SLC9C1: variants seen among roughly 807,000 people sequenced by gnomAD.
SLC9C1 encodes sodium/hydrogen exchanger 10.
In SLC9C1, 97 loss-of-function variants were observed where a neutral mutation model predicts 140.9. The ratio of observed to expected loss-of-function variants is 0.69; its 90% confidence interval spans 0.58 to 0.82. SLC9C1 has a LOEUF of 0.82. Among genes scored for constraint, SLC9C1 ranks in the 40% least tolerant of loss-of-function variants. The pLI is 0.00. For synonymous variants in SLC9C1, 440 were observed against 442.6 expected (o/e 0.99, Z 0.07); for missense variants, 1,340 against 1,389.3 (o/e 0.96, Z 0.56).
At chr3:112,233,026 TACACAC>T (rs60551268) in intron 12 of SLC9C1, among the ~76,000 whole-genome samples, 1 of 134,418 alleles carries the variant, frequency 7.4e-6, no homozygotes, top group South Asian at 2.4e-4. Context: ...TTCACTTTCA[TACACAC>T]ACACACACAC....
chr3:112,247,186 C>G (rs1384546835), intron 10 of SLC9C1, among the ~76,000 whole-genome samples: 1 of 152,030 alleles, frequency 6.6e-6, no homozygotes, highest in African/African-American at 2.4e-5. Flanking sequence ...GCTTTAGAGG[C>G]CCAGGGAGCA....
At chr3:112,161,020 GTGA>G (rs2075281693) in intron 26 of SLC9C1, among the ~76,000 whole-genome samples, 2 of 152,342 alleles carry the variant, frequency 1.3e-5, no homozygotes, top group South Asian at 4.1e-4. Context: ...CTGATGACCA[GTGA>G]TGATGAGCAT....
chr3:112,293,027 G>A (rs1233616351), intron 1 of SLC9C1, among the ~76,000 whole-genome samples: 1 of 151,164 alleles, frequency 6.6e-6, no homozygotes, highest in African/African-American at 2.4e-5. Flanking sequence ...CCAGCACTTT[G>A]GGAGGCCTAG....
At chr3:112,257,305 A>T (rs1477928136) in intron 10 of SLC9C1, among the ~76,000 whole-genome samples, 1 of 152,204 alleles carries the variant, frequency 6.6e-6, no homozygotes, top group African/African-American at 2.4e-5. Context: ...AATGTCCAAC[A>T]GGGCTACAGT....
At chr3:112,219,641 C>T (rs1402635777) in intron 14 of SLC9C1, among the ~76,000 whole-genome samples, 1 of 152,118 alleles carries the variant, frequency 6.6e-6, no homozygotes, top group Non-Finnish European at 1.5e-5. Flanking sequence ...TGCAGTGGCA[C>T]AATCTCAGCT....
intron 12 of SLC9C1, 28 bp from the exon 13 acceptor site, chr3:112,231,514 A>C (rs527868162): frequency 3.3e-5 from 51 of 1,567,190 alleles, no homozygotes; most frequent in Admixed American, 2.2e-4. Context: ...AAAAGAACAA[A>C]AAATACATGA....
intron 15 of SLC9C1, 55 bp downstream of exon 15, chr3:112,217,387 C>T: frequency 7.4e-6 from 11 of 1,488,274 alleles, no homozygotes; most frequent in Non-Finnish European, 9.8e-6. Context: ...AAAGAAAAAA[C>T]AGGGAATTTC....
intron 10 of SLC9C1, among the ~76,000 whole-genome samples, chr3:112,258,813 G>T (rs1047274573): frequency 1.3e-5 from 2 of 152,130 alleles, no homozygotes; most frequent in African/African-American, 4.8e-5. Context: ...ATTCTGCAGA[G>T]TGTACAGGAA....
chr3:112,225,364 A>G (rs1364448129), intron 13 of SLC9C1, among the ~76,000 whole-genome samples: 1 of 152,196 alleles, frequency 6.6e-6, no homozygotes. Context: ...GACTCACAAG[A>G]AATGCTTAAA....
At chr3:112,206,005 AT>A (rs1425968676) in intron 16 of SLC9C1, among the ~76,000 whole-genome samples, 1 of 109,008 alleles carries the variant, frequency 9.2e-6, no homozygotes, top group Non-Finnish European at 2.0e-5. Context: ...GACAAATGGG[AT>A]CTAATTAAAC....
chr3:112,255,137 G>A (rs1011365237), intron 10 of SLC9C1, among the ~76,000 whole-genome samples: 1 of 152,092 alleles, frequency 6.6e-6, no homozygotes, highest in African/African-American at 2.4e-5. Flanking sequence ...AGAATAGTGG[G>A]AGACTTTCAC....
At chr3:112,233,050 C>T (rs58879610) in intron 12 of SLC9C1, among the ~76,000 whole-genome samples, 11,699 of 86,396 alleles carry the variant, frequency 0.14, 624 homozygotes, top group East Asian at 0.42. Flanking sequence ...CACACACACA[C>T]ATATATATAT....
At chr3:112,244,186 T>C (rs532799992) in intron 10 of SLC9C1, 110 bp from the exon 11 acceptor site, 4 of 627,374 alleles carry the variant, frequency 6.4e-6, no homozygotes, top group Non-Finnish European at 7.6e-6. Context: ...AGCTAGGTTG[T>C]ACTGTGTTAA....
At chr3:112,211,676 C>A (rs1363512300) in intron 15 of SLC9C1, among the ~76,000 whole-genome samples, 1 of 152,244 alleles carries the variant, frequency 6.6e-6, no homozygotes, top group Non-Finnish European at 1.5e-5. Context: ...CCCACCATTG[C>A]TGAGGCTTGA....
intron 3 of SLC9C1, among the ~76,000 whole-genome samples, chr3:112,280,041 C>T (rs1045101922): frequency 6.6e-6 from 1 of 152,132 alleles, no homozygotes; most frequent in Admixed American, 6.6e-5. Flanking sequence ...GATTACAAAA[C>T]CTGTTTATGA....
At chr3:112,224,211 T>C (rs1033723713) in intron 13 of SLC9C1, among the ~76,000 whole-genome samples, 1 of 152,164 alleles carries the variant, frequency 6.6e-6, no homozygotes, top group Non-Finnish European at 1.5e-5. Flanking sequence ...ATCAATGACA[T>C]TGACTGTAGC....
chr3:112,157,494 C>T (rs185845159), intron 26 of SLC9C1, among the ~76,000 whole-genome samples: 1 of 152,098 alleles, frequency 6.6e-6, no homozygotes, highest in East Asian at 1.9e-4. Flanking sequence ...ACTGCTGTGG[C>T]TATTCAGGGT....
At chr3:112,182,642 G>A (rs935286659) in intron 20 of SLC9C1, among the ~76,000 whole-genome samples, 1 of 149,310 alleles carries the variant, frequency 6.7e-6, no homozygotes, top group African/African-American at 2.5e-5. Context: ...TATAGCAGAT[G>A]TGAAAAAAAA....
Position 112,156,002 on chromosome 3 carries a change from T to G in SLC9C1, c.3365-953A>C, listed in dbSNP as rs189122626. On this transcript the variant is annotated intron_variant, in intron 26 of 28. Transcript: ENST00000305815. The stretch of plus-strand genomic sequence containing the variant: ...TCACCTCAAACATTTATCTTTTTTT[T>G]TGTGTTGGGAAGATTACAATTCTTC... Among the ~76,000 whole-genome samples, 191 of 152,200 alleles carry G rather than the reference T, an allele frequency of 1.3e-3. 2 individuals carry two copies. Among genetic ancestry groups the G allele is most frequent in the Admixed American group, 0.011 (168 of 15,274 alleles).
Sources: allele counts gnomAD v4.1 joint callset (sites outside exome capture counted in the v4.1 genomes callset), GRCh38; gene constraint gnomAD v4.1.1; transcripts MANE v1.5; gene names NCBI Gene and HGNC (gene_info 2026-07-23, HGNC 2026-07-21).